TBC1D23: variants seen among roughly 807,000 people sequenced by gnomAD.
TBC1D23 encodes HCV non-structural protein 4A-transactivated protein 1.
A neutral mutation model predicts 91.4 loss-of-function variants in TBC1D23; 55 were observed. The ratio of observed to expected loss-of-function variants is 0.60; its 90% CI spans 0.48 to 0.75. The LOEUF (loss-of-function observed/expected upper bound fraction) is 0.75. Ranked by LOEUF, TBC1D23 falls within the 30% of genes least tolerant of loss-of-function variation. The probability of loss-of-function intolerance (pLI) is 0.00; values close to 1 mark genes in which losing one functional copy is unlikely to be tolerated. For synonymous variants in TBC1D23, 289 were observed against 281.0 expected (o/e 1.03, Z -0.28); for missense variants, 725 against 836.1 (o/e 0.87, Z 1.64).
chr3:100,293,652 CA>C (rs1420903108), intron 5 of TBC1D23, among the ~76,000 whole-genome samples: 1 of 152,128 alleles, frequency 6.6e-6, no homozygotes, highest in East Asian at 1.9e-4. Flanking sequence ...AAAGCAACCA[CA>C]AAAAACATTA....
chr3:100,286,501 C>CTTTTTTTTTTTTTTTTT (rs11370481), intron 4 of TBC1D23, among the ~76,000 whole-genome samples: 3 of 146,414 alleles, frequency 2.0e-5, no homozygotes, highest in Non-Finnish European at 4.5e-5. Context: ...AACATATCTT[C>CTTTTTTTTTTTTTTTTT]TTTTTTTTTT....
intron 15 of TBC1D23, among the ~76,000 whole-genome samples, chr3:100,313,864 T>A (rs1705675502): frequency 6.6e-6 from 1 of 152,114 alleles, no homozygotes; most frequent in African/African-American, 2.4e-5. Context: ...TCATTTTCTA[T>A]CTCTCATGAG....
At chr3:100,283,004 G>T (rs961895859) in intron 3 of TBC1D23, among the ~76,000 whole-genome samples, 1 of 152,162 alleles carries the variant, frequency 6.6e-6, no homozygotes, top group Middle Eastern at 3.2e-3. Context: ...AACAGACTAG[G>T]TAAGAAAACA....
At chr3:100,296,028 C>T (rs1337784868) in intron 7 of TBC1D23, 144 bp from the exon 8 acceptor site, 1 of 454,854 alleles carries the variant, frequency 2.2e-6, no homozygotes, top group Non-Finnish European at 3.9e-6. Context: ...TTGGAGAAAT[C>T]CACTTTTCCA....
chr3:100,300,469 A>G (rs1349308375), intron 10 of TBC1D23, among the ~76,000 whole-genome samples: 1 of 146,022 alleles, frequency 6.8e-6, no homozygotes, highest in Non-Finnish European at 1.5e-5. Context: ...TTAAAAATTT[A>G]CTCAAGTGAT....
chr3:100,314,741 G>A (rs938318784), intron 15 of TBC1D23, among the ~76,000 whole-genome samples: 23 of 152,200 alleles, frequency 1.5e-4, no homozygotes, highest in African/African-American at 4.6e-4. Flanking sequence ...TTGCGCCACT[G>A]TACTCTAGCC....
At chr3:100,292,686 A>G (rs2148859995) in intron 5 of TBC1D23, among the ~76,000 whole-genome samples, 1 of 151,750 alleles carries the variant, frequency 6.6e-6, no homozygotes, top group East Asian at 1.9e-4. Flanking sequence ...TGCAAGCTCC[A>G]CCTCCTGGGC....
intron 5 of TBC1D23, among the ~76,000 whole-genome samples, chr3:100,291,931 A>T (rs2067795042): frequency 6.6e-6 from 1 of 151,524 alleles, no homozygotes; most frequent in South Asian, 2.1e-4. Flanking sequence ...ATGCCCGGCT[A>T]ATTTTGTAAT....
chr3:100,277,126 C>G (rs1429762513), intron 1 of TBC1D23, among the ~76,000 whole-genome samples: 2 of 152,166 alleles, frequency 1.3e-5, no homozygotes, highest in African/African-American at 4.8e-5. Context: ...AATTGTATTA[C>G]TTGTTTAAAA....
chr3:100,292,870 G>A (rs2067803986), intron 5 of TBC1D23, among the ~76,000 whole-genome samples: 2 of 152,152 alleles, frequency 1.3e-5, no homozygotes, highest in Non-Finnish European at 2.9e-5. Flanking sequence ...CAAAGTGCAG[G>A]GATTACAGGT....
Position 100,320,864 on chromosome 3 carries a change from G to A in TBC1D23, c.1911G>A (p.Ala637=), listed in dbSNP as rs770166229. The A allele has an allele frequency of 8.1e-6, 13 of 1,612,542 alleles. No homozygotes were observed. The highest frequency in any genetic ancestry group is 4.0e-5 in the African/African-American group (3 of 74,780). ...TGGCTTATATACAGTCTCGACAAGC[G>A]CTGAATTCTGTAGTTAAAATTACAT... The part of the protein sequence containing the change: ...KGLAYIQSRQ[A]LNSVVKITSK... Residue 637 remains alanine, a synonymous_variant, in exon 18 of 19, where the codon GCG becomes GCA. Transcript: ENST00000394144.
chr3:100,323,311 C>G (rs577443754), intron 18 of TBC1D23, among the ~76,000 whole-genome samples: 2 of 152,194 alleles, frequency 1.3e-5, no homozygotes, highest in East Asian at 3.9e-4. Flanking sequence ...TAGCTATTAC[C>G]TATATTTAAT....
chr3:100,289,356 G>A (rs1280757810), intron 4 of TBC1D23, among the ~76,000 whole-genome samples: 1 of 152,154 alleles, frequency 6.6e-6, no homozygotes, highest in Non-Finnish European at 1.5e-5. Flanking sequence ...ATGGACACAA[G>A]AAAATGAACT....
rs969703481 is a variant in TBC1D23, at chr3:100,295,223, G to A, written c.725+12G>A. ...CTTGTTAATGCAAAGTAAGTATCTG[G>A]TTGGTTAGATTTTTTTTCCTCTTTT... On this transcript the variant is annotated intron_variant, in intron 6 of 18. Transcript: ENST00000394144. The A allele has an allele frequency of 5.6e-6, 9 of 1,595,278 alleles. No individual in the cohort carries two copies. The African/African-American group carries it at 9.5e-5, about 17-fold the overall frequency.
At chr3:100,296,975 A>T (rs191356040) in intron 8 of TBC1D23, among the ~76,000 whole-genome samples, 51 of 152,068 alleles carry the variant, frequency 3.4e-4, no homozygotes, top group Non-Finnish European at 6.5e-4. Flanking sequence ...GAGCTGTCTT[A>T]TAAAGAAAGG....
At chr3:100,314,122 C>T (rs901588652) in intron 15 of TBC1D23, among the ~76,000 whole-genome samples, 20 of 119,024 alleles carry the variant, frequency 1.7e-4, no homozygotes, top group African/African-American at 4.5e-4. Flanking sequence ...TTTTTGTGAC[C>T]GAGTCTTGCT....
chr3:100,323,918 A>C lies in TBC1D23; in HGVS notation c.*250A>C. On this transcript the variant is annotated 3_prime_UTR_variant, in exon 19 of 19. Coordinates refer to ENST00000394144, the MANE Select transcript of TBC1D23 (RefSeq NM_001199198.3). ...TTATTAAATTACTTTGAAGTAACTG[A>C]CCCTGTGCCCTTATGGACTAAGTAA... 5.7e-6 allele frequency: 1 copy of C among 176,932 alleles called. No homozygotes were observed. Among genetic ancestry groups the C allele is most frequent in the Non-Finnish European group, 1.2e-5 (1 of 83,724 alleles). The allele number at this position is 176,932 out of a possible 1,614,324, so 11.0% of individuals were successfully genotyped here.
chr3:100,275,728 G>A (rs2067643298), intron 1 of TBC1D23, among the ~76,000 whole-genome samples: 1 of 151,964 alleles, frequency 6.6e-6, no homozygotes, highest in Non-Finnish European at 1.5e-5. Context: ...CAAAATTAAG[G>A]TAATTATAAT....
At chr3:100,261,370 G>T (rs1055291320) in intron 1 of TBC1D23, 10 of 438,646 alleles carry the variant, frequency 2.3e-5, no homozygotes, top group Non-Finnish European at 4.1e-5. Context: ...CTTCAGGGCT[G>T]GGTTTGGCCG....
Sources: allele counts gnomAD v4.1 joint callset (sites outside exome capture counted in the v4.1 genomes callset), GRCh38; gene constraint gnomAD v4.1.1; transcripts MANE v1.5; gene names NCBI Gene and HGNC (gene_info 2026-07-23, HGNC 2026-07-21).